UBR3: variants seen among roughly 807,000 people sequenced by gnomAD.
UBR3 encodes the protein E3 ubiquitin-protein ligase UBR3.
UBR3 carries 85 observed loss-of-function variants against 243.2 expected under a neutral mutation model. That is an observed-to-expected ratio of 0.35 (90% CI 0.29 to 0.42). UBR3 has a LOEUF of 0.42. Among genes scored for constraint, UBR3 ranks in the 10% least tolerant of loss-of-function variants. The pLI is 1.00. For synonymous variants in UBR3, 748 were observed against 799.8 expected (o/e 0.94, Z 1.09); for missense variants, 1,686 against 2,300.8 (o/e 0.73, Z 5.47).
At chr2:170,000,344 G>A (rs2089652121) in intron 26 of UBR3, among the ~76,000 whole-genome samples, 1 of 152,186 alleles carries the variant, frequency 6.6e-6, no homozygotes, top group African/African-American at 2.4e-5. Context: ...TTAAGGAGAC[G>A]AGTTAAGAAA....
At chr2:170,031,702 G>A (rs1450112746) in intron 31 of UBR3, among the ~76,000 whole-genome samples, 1 of 151,934 alleles carries the variant, frequency 6.6e-6, no homozygotes, top group Non-Finnish European at 1.5e-5. Context: ...GTAGTCCTCA[G>A]TGCCTGTTGT....
chr2:169,883,407 G>A (rs1194370165), intron 5 of UBR3, among the ~76,000 whole-genome samples: 1 of 152,204 alleles, frequency 6.6e-6, no homozygotes, highest in Non-Finnish European at 1.5e-5. Flanking sequence ...AGCCTTTTCT[G>A]AGCTAGTCTT....
chr2:169,890,593 G>GTATA (rs72493218), intron 5 of UBR3, among the ~76,000 whole-genome samples: 2 of 76,162 alleles, frequency 2.6e-5, no homozygotes, highest in African/African-American at 4.9e-5. Flanking sequence ...ATATATATAT[G>GTATA]TATATATATG....
chr2:170,041,301 A>G (rs1415677715), intron 32 of UBR3, among the ~76,000 whole-genome samples: 1 of 152,190 alleles, frequency 6.6e-6, no homozygotes, highest in Admixed American at 6.5e-5. Context: ...GACAATGAAA[A>G]AGTGTTTTTT....
intron 6 of UBR3, among the ~76,000 whole-genome samples, chr2:169,891,451 T>C (rs2084371196): frequency 6.6e-6 from 1 of 152,162 alleles, no homozygotes. Flanking sequence ...ATTATCATAT[T>C]TGAGTCCCCC....
Position 170,002,351 on chromosome 2 carries a change from C to G in UBR3, c.4029+937C>G, listed in dbSNP as rs1035405155. On this transcript the variant is annotated intron_variant, in intron 27 of 38. Transcript: ENST00000272793. ...TAGGGTTATGGGCTATAAATACTGC[C>G]TATTAATTCATTTACCTGTCTTTGA... 4.6e-5 allele frequency among the ~76,000 whole-genome samples: 7 copies of G among 152,308 alleles called. No homozygotes were observed. The South Asian group carries it at 1.5e-3, about 32-fold the overall frequency.
intron 16 of UBR3, 65 bp from the exon 17 acceptor site, chr2:169,927,255 G>A (rs6708266): frequency 0.029 from 39,887 of 1,389,672 alleles, 1,140 homozygotes; most frequent in African/African-American, 0.14. Context: ...AAAAAGTGTG[G>A]TAAGTTTTTT....
At chr2:169,878,051 C>T (rs1215352213) in intron 4 of UBR3, among the ~76,000 whole-genome samples, 3 of 152,102 alleles carry the variant, frequency 2.0e-5, no homozygotes, top group African/African-American at 7.2e-5. Flanking sequence ...CCTATTAGGT[C>T]CAAACTTATT....
intron 32 of UBR3, among the ~76,000 whole-genome samples, chr2:170,054,284 T>G (rs1264265038): frequency 1.7e-5 from 2 of 118,806 alleles, no homozygotes; most frequent in Non-Finnish European, 3.9e-5. Context: ...CACACCCAGC[T>G]TTTTTTTTTT....
chr2:169,989,570 T>G (rs2089183274), intron 25 of UBR3, among the ~76,000 whole-genome samples: 1 of 152,178 alleles, frequency 6.6e-6, no homozygotes, highest in Non-Finnish European at 1.5e-5. Flanking sequence ...TTTCATGTTT[T>G]TTGTTGTTGT....
intron 19 of UBR3, among the ~76,000 whole-genome samples, chr2:169,940,493 A>G (rs1375864610): frequency 2.0e-5 from 3 of 152,042 alleles, no homozygotes; most frequent in Non-Finnish European, 4.4e-5. Flanking sequence ...TTTTTTTGAT[A>G]TTTTTGAGAT....
intron 18 of UBR3, among the ~76,000 whole-genome samples, chr2:169,932,210 T>G (rs1047160512): frequency 6.6e-6 from 1 of 151,944 alleles, no homozygotes; most frequent in Non-Finnish European, 1.5e-5. Context: ...CCCGAGTAGC[T>G]GGGATTACAG....
intron 25 of UBR3, among the ~76,000 whole-genome samples, chr2:169,987,398 A>AAAAAAAAAAAC (rs1446149021): frequency 5.6e-4 from 84 of 150,546 alleles, no homozygotes; most frequent in Admixed American, 1.9e-3. Context: ...GTCTCAAAAA[A>AAAAAAAAAAAC]AAAAAAAAAA....
intron 24 of UBR3, among the ~76,000 whole-genome samples, chr2:169,975,294 A>G (rs1348783451): frequency 1.3e-5 from 2 of 152,144 alleles, no homozygotes; most frequent in Admixed American, 6.5e-5. Context: ...ATTTCCAGTT[A>G]TATTCCATTG....
chr2:169,895,120 G>C, intron 6 of UBR3, 61 bp from the exon 7 acceptor site: 1 of 1,424,954 alleles, frequency 7.0e-7, no homozygotes, highest in South Asian at 1.6e-5. Flanking sequence ...TGGGTTATTA[G>C]TTATAAAATG....
chr2:169,890,549 A>ATATATG (rs370176054), intron 5 of UBR3, among the ~76,000 whole-genome samples: 1,275 of 59,090 alleles, frequency 0.022, 55 homozygotes, highest in Middle Eastern at 0.045. Flanking sequence ...AGATATATAT[A>ATATATG]TATATATATA....
chr2:169,964,861 C>G, intron 24 of UBR3: 1 of 456,830 alleles, frequency 2.2e-6, no homozygotes, highest in Non-Finnish European at 4.4e-6. Flanking sequence ...ATTGAGGGAT[C>G]AGGCAAATAT....
chr2:170,011,885 T>G (rs1180073891), intron 29 of UBR3, among the ~76,000 whole-genome samples: 1 of 152,128 alleles, frequency 6.6e-6, no homozygotes, highest in Non-Finnish European at 1.5e-5. Context: ...GTTTTCTTTT[T>G]TCAATACCAA....
intron 35 of UBR3, 129 bp downstream of exon 35, chr2:170,061,572 A>G (rs1011841649): frequency 2.3e-5 from 26 of 1,127,294 alleles, no homozygotes; most frequent in Non-Finnish European, 3.1e-5. Flanking sequence ...GGTTCAAGCA[A>G]TCCTCCTCCC....
Sources: gnomAD v4.1 joint callset for allele counts (sites outside exome capture counted in the v4.1 genomes callset) on GRCh38, gnomAD v4.1.1 for gene constraint, MANE v1.5 for transcripts, NCBI Gene and HGNC (gene_info 2026-07-23, HGNC 2026-07-21) for gene names.